JHY: variants seen among roughly 807,000 people sequenced by gnomAD.
The protein encoded by JHY is jhy protein homolog.
A neutral mutation model predicts 78.0 loss-of-function variants in JHY; 69 were observed. The observed-to-expected ratio is 0.88, with a 90% CI of 0.73 to 1.08. The LOEUF (loss-of-function observed/expected upper bound fraction) is 1.08, where lower values mean the gene tolerates loss of function less well. JHY is among the 50% of genes least tolerant of loss of function. The pLI is 0.00. For missense variants in JHY, 944 were observed against 927.8 expected, an observed-to-expected ratio of 1.02 and a Z score of -0.23; for synonymous variants, 368 against 342.6, an observed-to-expected ratio of 1.07 and a Z score of -0.82.
chr11:122,921,323 C>T (rs997988981), intron 3 of JHY, among the ~76,000 whole-genome samples: 1 of 152,170 alleles, frequency 6.6e-6, no homozygotes, highest in African/African-American at 2.4e-5. Flanking sequence ...AAACTAAGTC[C>T]CCTTTATTTC....
intron 8 of JHY, among the ~76,000 whole-genome samples, chr11:122,958,475 T>C (rs1864238378): frequency 6.6e-6 from 1 of 152,174 alleles, no homozygotes; most frequent in Non-Finnish European, 1.5e-5. Context: ...AACAAACCTA[T>C]AATTAGAAAT....
chr11:122,960,742 A>C lies in JHY; in HGVS notation c.*1297A>C, dbSNP rs765020251. ...GAGCAAAACATTGCCCAACTAGAAG[A>C]GGTGAAGCAGGCTTCCATCAAACAA... On this transcript the variant is annotated 3_prime_UTR_variant, in exon 9 of 9. Transcript: ENST00000227349. The C allele has an allele frequency of 4.4e-6, 2 of 459,480 alleles. No individual in the cohort carries two copies. The highest frequency in any genetic ancestry group is 8.6e-6 in the Non-Finnish European group (2 of 231,480). The allele number at this position is 459,480 out of a possible 1,614,324, so 28.5% of individuals were successfully genotyped here. A position where few individuals can be genotyped will look rare whatever the true frequency, so the allele number is the denominator to read the frequency against.
At chr11:122,949,083 CA>C (rs112131604) in intron 6 of JHY, among the ~76,000 whole-genome samples, 17 of 143,928 alleles carry the variant, frequency 1.2e-4, no homozygotes, top group Admixed American at 2.1e-4. Context: ...GACTCCATCT[CA>C]AAAAAAAAAA....
At chr11:122,931,028 A>T (rs1437499133) in intron 4 of JHY, among the ~76,000 whole-genome samples, 1 of 152,128 alleles carries the variant, frequency 6.6e-6, no homozygotes, top group Non-Finnish European at 1.5e-5. Context: ...GAGGGGGGGA[A>T]TGAGCTTCCT....
chr11:122,900,681 G>T (rs1233808740), intron 2 of JHY, among the ~76,000 whole-genome samples: 1 of 152,048 alleles, frequency 6.6e-6, no homozygotes, highest in Admixed American at 6.6e-5. Flanking sequence ...GGCCCCTCCT[G>T]CAGTGTCAAG....
rs1006396364 is a variant in JHY at position 122,957,225 on chromosome 11, C to G, written c.2011-138C>G. The G allele has an allele frequency of 2.2e-5, 20 of 915,612 alleles. No homozygotes were observed. In the African/African-American group the frequency reaches 3.2e-4, roughly 14 times the overall value. 56.7% of individuals were successfully genotyped at this position (915,612 alleles called of 1,614,324 possible). On this transcript the variant is annotated intron_variant, in intron 7 of 8. Transcript: ENST00000227349. ...AACTTAACCATTTCACTGCTGCCAC[C>G]TTACTCAAGGTGATCCCATTGCTCC...
At chr11:122,922,809 C>CAAAAAAAAAAAAAAAAAAAAAAAAA (rs571482464) in intron 3 of JHY, among the ~76,000 whole-genome samples, 2 of 44,354 alleles carry the variant, frequency 4.5e-5, no homozygotes, top group African/African-American at 9.0e-5. Context: ...GACTCCGTCT[C>CAAAAAAAAAAAAAAAAAAAAAAAAA]AAAAAAAAAA....
At chr11:122,956,656 C>G in intron 7 of JHY, 80 bp downstream of exon 7, 1 of 1,141,286 alleles carries the variant, frequency 8.8e-7, no homozygotes, top group Non-Finnish European at 1.3e-6. Flanking sequence ...AGACGCCCCC[C>G]AGAATTAAAC....
At chr11:122,889,488 G>A (rs1321185814) in intron 2 of JHY, among the ~76,000 whole-genome samples, 1 of 152,082 alleles carries the variant, frequency 6.6e-6, no homozygotes, top group East Asian at 1.9e-4. Context: ...ATTGTATTAG[G>A]TATTATAAAT....
chr11:122,943,782 A>G (rs553139086), intron 5 of JHY, among the ~76,000 whole-genome samples: 50 of 152,224 alleles, frequency 3.3e-4, no homozygotes, highest in African/African-American at 1.2e-3. Flanking sequence ...TAAATTTAGC[A>G]TTGAGTCTGG....
chr11:122,904,379 A>G lies in JHY; in HGVS notation c.799A>G (p.Thr267Ala). 1.2e-6 allele frequency: 2 copies of G among 1,614,074 alleles called. No homozygotes were observed. Among genetic ancestry groups the G allele is most frequent in the Non-Finnish European group, 1.7e-6 (2 of 1,180,000 alleles). The change falls in exon 3 of 9, where the codon ACC becomes GCC. Residue 267 changes from threonine (T) to alanine (A), a missense_variant. Thr to Ala is a moderately conservative substitution (Grantham distance 58). Transcript: ENST00000227349. ...AAACAAGCTCACTTTGGGATTACCCACCCCGAAAACGGACTCTTATCTTCA... is the reference window on the plus strand; with the variant it reads ...AAACAAGCTCACTTTGGGATTACCCGCCCCGAAAACGGACTCTTATCTTCA... ...EKNKLTLGLP[T>A]PKTDSYLQLH... is the part of the protein sequence containing the mutation.
At chr11:122,899,505 T>A (rs1423450179) in intron 2 of JHY, among the ~76,000 whole-genome samples, 1 of 152,238 alleles carries the variant, frequency 6.6e-6, no homozygotes, top group Non-Finnish European at 1.5e-5. Context: ...TATTGATTTT[T>A]AAAAATAAAT....
intron 3 of JHY, among the ~76,000 whole-genome samples, chr11:122,919,831 TA>T (rs961012569): frequency 1.3e-5 from 2 of 150,166 alleles, no homozygotes; most frequent in Non-Finnish European, 1.5e-5. Context: ...ATATGAAAAA[TA>T]AAAAAAAACG....
At chr11:122,916,304 A>G (rs867816900) in intron 3 of JHY, among the ~76,000 whole-genome samples, 3 of 152,234 alleles carry the variant, frequency 2.0e-5, no homozygotes, top group Admixed American at 1.3e-4. Context: ...ATAAATATGT[A>G]CAAACATTAT....
chr11:122,892,792 A>G (rs1375250054), intron 2 of JHY, among the ~76,000 whole-genome samples: 1 of 152,232 alleles, frequency 6.6e-6, no homozygotes, highest in Non-Finnish European at 1.5e-5. Flanking sequence ...GACTTAGGGA[A>G]GACCAAAACT....
At chr11:122,938,484 C>CT (rs2059654033) in intron 5 of JHY, among the ~76,000 whole-genome samples, 2 of 152,202 alleles carry the variant, frequency 1.3e-5, no homozygotes, top group African/African-American at 2.4e-5. Flanking sequence ...ATACAACATC[C>CT]TTTTTTCTCA....
At chr11:122,911,026 G>C (rs1863110238) in intron 3 of JHY, among the ~76,000 whole-genome samples, 1 of 152,136 alleles carries the variant, frequency 6.6e-6, no homozygotes, top group South Asian at 2.1e-4. Context: ...TGAATAATCA[G>C]TTCTTACTTT....
Position 122,924,929 on chromosome 11 carries a change from G to T in JHY, c.897G>T (p.Thr299=), listed in dbSNP as rs376280199. The T allele has an allele frequency of 1.2e-6, 2 of 1,613,976 alleles. No homozygotes were observed. Among genetic ancestry groups the T allele is most frequent in the East Asian group, 2.2e-5 (1 of 44,874 alleles). ...ISYPVRVTDK[T]SIQNAKEMEN... ...ACCCCGTCAGAGTAACAGACAAGAC[G>T]TCTATTCAGAATGCCAAGGAAATGG... Residue 299 remains threonine, a synonymous_variant, in exon 4 of 9, where the codon ACG becomes ACT. Coordinates refer to ENST00000227349, the MANE Select transcript of JHY (RefSeq NM_024806.4).
intron 3 of JHY, among the ~76,000 whole-genome samples, chr11:122,909,609 T>C (rs1377225087): frequency 3.3e-5 from 5 of 152,060 alleles, no homozygotes; most frequent in Non-Finnish European, 7.4e-5. Context: ...GTGAAACCCA[T>C]GTATATTAAA....
Sources: gnomAD v4.1 joint callset for allele counts (sites outside exome capture counted in the v4.1 genomes callset) on GRCh38, gnomAD v4.1.1 for gene constraint, MANE v1.5 for transcripts, NCBI Gene and HGNC (gene_info 2026-07-23, HGNC 2026-07-21) for gene names.